The following VEGFC variants were observed in gnomAD, a reference collection of about 807,000 sequenced individuals.
VEGFC encodes the protein vascular endothelial growth factor C.
VEGFC carries 12 observed loss-of-function variants against 46.1 expected under a neutral mutation model. The ratio of observed to expected loss-of-function variants is 0.26; its 90% CI spans 0.17 to 0.42. The LOEUF is 0.42. Among genes scored for constraint, VEGFC ranks in the 10% least tolerant of loss-of-function variants. VEGFC has a pLI of 1.00. For synonymous variants in VEGFC, 232 were observed against 195.5 expected (o/e 1.19, Z -1.56); for missense variants, 488 against 529.4 (o/e 0.92, Z 0.77).
intron 6 of VEGFC, among the ~76,000 whole-genome samples, chr4:176,686,639 A>G (rs1480660032): frequency 2.0e-5 from 3 of 152,178 alleles, no homozygotes; most frequent in Non-Finnish European, 4.4e-5. Context: ...CTTGAGTCGA[A>G]TAACTTCATT....
intron 2 of VEGFC, 45 bp from the exon 3 acceptor site, chr4:176,728,013 A>C (rs559580920): frequency 8.7e-6 from 13 of 1,491,214 alleles, no homozygotes; most frequent in Non-Finnish European, 1.2e-5. Context: ...GAAACCACCA[A>C]GATAAAAAAA....
In VEGFC at chr4:176,766,621, A is replaced by G. The variant is rs137886931; in HGVS notation, c.147+25544T>C. Among the ~76,000 whole-genome samples the G allele has an allele frequency of 3.9e-5, 6 of 151,904 alleles. No homozygotes were observed. In the East Asian group the frequency reaches 9.6e-4, roughly 24 times the overall value. On this transcript the variant is annotated intron_variant, in intron 1 of 6. Coordinates refer to ENST00000618562, the MANE Select transcript of VEGFC (RefSeq NM_005429.5). Reference sequence around the variant, plus strand: ...AAAAAAAACAAGGAAAAGAAAAGATACTATGGAACTTCAGAATTTCAGGCA... The same window carrying G: ...AAAAAAAACAAGGAAAAGAAAAGATGCTATGGAACTTCAGAATTTCAGGCA...
Position 176,777,651 on chromosome 4 carries a change from G to A in VEGFC, c.147+14514C>T, listed in dbSNP as rs191435418. ...TCTTGTTATATATAGGCCAGGCTCC[G>A]TGGCTCACACCTGTAATCCCAGCAC... On this transcript the variant is annotated intron_variant, in intron 1 of 6. Transcript: ENST00000618562. Among the ~76,000 whole-genome samples, 48 of 152,106 alleles carry A rather than the reference G, an allele frequency of 3.2e-4. 2 individuals are homozygous for A. The highest frequency in any genetic ancestry group is 2.0e-3 in the Admixed American group (31 of 15,294).
intron 1 of VEGFC, among the ~76,000 whole-genome samples, chr4:176,776,593 A>C (rs1178746613): frequency 6.6e-6 from 1 of 152,242 alleles, no homozygotes; most frequent in Non-Finnish European, 1.5e-5. Context: ...GGCCAAGGCC[A>C]CCTACAGAAG....
chr4:176,774,989 C>T (rs1419681612), intron 1 of VEGFC, among the ~76,000 whole-genome samples: 2 of 152,190 alleles, frequency 1.3e-5, no homozygotes, highest in Non-Finnish European at 2.9e-5. Flanking sequence ...GTGAACACCT[C>T]ATATGGTCAA....
At chr4:176,711,416 G>T in intron 4 of VEGFC, 83 bp downstream of exon 4, 3 of 1,438,262 alleles carry the variant, frequency 2.1e-6, no homozygotes, top group Non-Finnish European at 2.8e-6. Context: ...TTTCACAGAG[G>T]TTATTTGTTT....
intron 4 of VEGFC, among the ~76,000 whole-genome samples, chr4:176,702,589 A>C (rs1403866185): frequency 6.6e-6 from 1 of 152,084 alleles, no homozygotes; most frequent in Non-Finnish European, 1.5e-5. Flanking sequence ...TTTTCATTTA[A>C]TATCCAATTG....
At chr4:176,700,413 GA>G (rs34323890) in intron 4 of VEGFC, among the ~76,000 whole-genome samples, 9,395 of 139,462 alleles carry the variant, frequency 0.067, 517 homozygotes, top group African/African-American at 0.14. Flanking sequence ...TGAGACTCTC[GA>G]AAAAAAAAAA....
intron 3 of VEGFC, among the ~76,000 whole-genome samples, chr4:176,718,242 T>C (rs963133294): frequency 2.7e-5 from 4 of 150,862 alleles, no homozygotes; most frequent in Admixed American, 2.0e-4. Context: ...GCTTGCCAAA[T>C]ATTAACTTGC....
At chr4:176,754,981 A>C (rs1304103644) in intron 1 of VEGFC, among the ~76,000 whole-genome samples, 1 of 152,076 alleles carries the variant, frequency 6.6e-6, no homozygotes, top group South Asian at 2.1e-4. Flanking sequence ...ACCAACATAT[A>C]CATTCAAATA....
At position 176,749,285 on chromosome 4, in the gene VEGFC, A is replaced by G. The variant is rs566678115; in HGVS notation, c.148-19539T>C. ...GAAAATATAAAAAACAAACTCAAAG[A>G]AAAGATTGAACCAACTATTAAACTT... On this transcript the variant is annotated intron_variant, in intron 1 of 6. Transcript: ENST00000618562. 6.6e-5 allele frequency among the ~76,000 whole-genome samples: 10 copies of G among 152,114 alleles called. No homozygotes were observed. The South Asian group carries it at 1.9e-3, about 28-fold the overall frequency.
At chr4:176,701,993 G>A (rs1304646014) in intron 4 of VEGFC, among the ~76,000 whole-genome samples, 1 of 151,280 alleles carries the variant, frequency 6.6e-6, no homozygotes, top group Non-Finnish European at 1.5e-5. Flanking sequence ...AAATTAAAAA[G>A]GAAAGAGTGA....
intron 1 of VEGFC, among the ~76,000 whole-genome samples, chr4:176,777,373 T>C (rs897947399): frequency 5.3e-5 from 8 of 152,180 alleles, no homozygotes; most frequent in African/African-American, 1.9e-4. Context: ...TAACTAATTG[T>C]TATTTTTTGC....
intron 1 of VEGFC, among the ~76,000 whole-genome samples, chr4:176,767,894 C>T (rs190479614): frequency 3.9e-5 from 6 of 152,090 alleles, no homozygotes; most frequent in Admixed American, 1.3e-4. Context: ...AAGTGGAAGA[C>T]GATGGTGGCT....
chr4:176,697,288 G>GA (rs1191623027), intron 4 of VEGFC, among the ~76,000 whole-genome samples: 3 of 147,600 alleles, frequency 2.0e-5, no homozygotes, highest in Admixed American at 2.0e-4. Flanking sequence ...AAATTTACAA[G>GA]AAAAAAACAA....
intron 1 of VEGFC, among the ~76,000 whole-genome samples, chr4:176,765,227 G>A (rs1025340166): frequency 2.0e-5 from 3 of 151,586 alleles, no homozygotes; most frequent in Non-Finnish European, 4.4e-5. Context: ...CTAAAGAAAG[G>A]ATTAGTGAAC....
intron 1 of VEGFC, among the ~76,000 whole-genome samples, chr4:176,766,189 T>C (rs1560960056): frequency 6.6e-6 from 1 of 152,218 alleles, no homozygotes; most frequent in Non-Finnish European, 1.5e-5. Flanking sequence ...TTATTGCTAA[T>C]ATATCAGTTT....
chr4:176,743,183 T>G (rs1365902100), intron 1 of VEGFC, among the ~76,000 whole-genome samples: 2 of 152,026 alleles, frequency 1.3e-5, no homozygotes, highest in Non-Finnish European at 2.9e-5. Context: ...TCCTAGCACA[T>G]TCTCAACTTC....
chr4:176,779,272 A>AT (rs1163803682), intron 1 of VEGFC, among the ~76,000 whole-genome samples: 2 of 152,164 alleles, frequency 1.3e-5, no homozygotes, highest in Non-Finnish European at 2.9e-5. Context: ...AATATATAGT[A>AT]TTTTTTATAG....
Sources: gnomAD v4.1 joint callset for allele counts (sites outside exome capture counted in the v4.1 genomes callset) on GRCh38, gnomAD v4.1.1 for gene constraint, MANE v1.5 for transcripts, NCBI Gene and HGNC (gene_info 2026-07-23, HGNC 2026-07-21) for gene names.